Variants in BABAM2 observed in about 807,000 individuals in gnomAD.
BABAM2 encodes BRISC and BRCA1-A complex member 2.
In BABAM2, 31 loss-of-function variants were observed where a neutral mutation model predicts 54.7. That is an observed-to-expected ratio of 0.57 (90% CI 0.43 to 0.77). BABAM2 has a LOEUF of 0.77. Among genes scored for constraint, BABAM2 ranks in the 30% least tolerant of loss-of-function variants. The probability of loss-of-function intolerance (pLI) is 0.00; values close to 1 mark genes in which losing one functional copy is unlikely to be tolerated. For synonymous variants in BABAM2, 167 were observed against 162.9 expected, an observed-to-expected ratio of 1.03 and a Z score of -0.19; for missense variants, 364 against 455.8, an observed-to-expected ratio of 0.80 and a Z score of 1.83.
chr2:28,106,723 A>G (rs908380369), intron 6 of BABAM2, among the ~76,000 whole-genome samples: 3 of 151,044 alleles, frequency 2.0e-5, no homozygotes, highest in Admixed American at 2.0e-4. Flanking sequence ...TTCCACTGTA[A>G]AGTTACTTTT....
chr2:28,207,930 C>T (rs1195255885), intron 7 of BABAM2, among the ~76,000 whole-genome samples: 1 of 151,796 alleles, frequency 6.6e-6, no homozygotes, highest in Non-Finnish European at 1.5e-5. Flanking sequence ...TTCTGTCCTT[C>T]ACAAATAGAA....
chr2:28,024,258 T>A lies in BABAM2; in HGVS notation c.301-968T>A, dbSNP rs1224287665. On this transcript the variant is annotated intron_variant, in intron 4 of 11. Coordinates refer to ENST00000379624, the MANE Select transcript of BABAM2 (RefSeq NM_199191.3). ...TCTCTACTAAAAATACAAAAAAAAT[T>A]AGCCGGGCCTGGTGGCGGGCGCCTG... Among the ~76,000 whole-genome samples, 3 of 151,882 alleles carry A rather than the reference T, an allele frequency of 2.0e-5. No individual in the cohort carries two copies. In the South Asian group the frequency reaches 6.2e-4, roughly 32 times the overall value.
rs114550299 is a variant in BABAM2 at position 28,300,099 on chromosome 2, G to A, written c.1088+1608G>A. Among the ~76,000 whole-genome samples the A allele has an allele frequency of 7.2e-3, 1,094 of 152,106 alleles. 9 individuals are homozygous for A. Among genetic ancestry groups the A allele is most frequent in the African/African-American group, 0.025 (1,026 of 41,492 alleles). The stretch of plus-strand genomic sequence containing the variant: ...GACTATCGGCATGTGCCACCACGCC[G>A]GACTAATTTGTGTATTTTGAGTAGA... On this transcript the variant is annotated intron_variant, in intron 11 of 11. Transcript: ENST00000379624.
chr2:27,945,662 A>G (rs1291593806), intron 3 of BABAM2, among the ~76,000 whole-genome samples: 1 of 152,162 alleles, frequency 6.6e-6, no homozygotes, highest in Non-Finnish European at 1.5e-5. Flanking sequence ...AAAAATGCTA[A>G]CATCTCCATT....
intron 3 of BABAM2, among the ~76,000 whole-genome samples, chr2:27,940,113 A>T (rs74543111): frequency 6.6e-6 from 1 of 152,320 alleles, no homozygotes; most frequent in African/African-American, 2.4e-5. Flanking sequence ...AACATATTCT[A>T]TTACTTAAAT....
intron 6 of BABAM2, among the ~76,000 whole-genome samples, chr2:28,070,575 A>T (rs1286845351): frequency 7.1e-6 from 1 of 140,660 alleles, no homozygotes; most frequent in South Asian, 2.3e-4. Flanking sequence ...TTTGAGACGG[A>T]GTCTCGCTCT....
intron 3 of BABAM2, among the ~76,000 whole-genome samples, chr2:27,949,113 A>G: frequency 6.6e-6 from 1 of 152,240 alleles, no homozygotes; most frequent in East Asian, 1.9e-4. Context: ...ACCAGCAGCC[A>G]AAACCTTCAA....
chr2:28,161,473 T>C (rs551344918), intron 7 of BABAM2, among the ~76,000 whole-genome samples: 1 of 152,290 alleles, frequency 6.6e-6, no homozygotes, highest in African/African-American at 2.4e-5. Context: ...AATTCCAGTT[T>C]GCTTTCCCCA....
chr2:28,310,102 G>C, intron 11 of BABAM2: 7 of 1,614,166 alleles, frequency 4.3e-6, no homozygotes, highest in Non-Finnish European at 5.9e-6. Flanking sequence ...AACAGAGATG[G>C]GGAGGAATCC....
intron 3 of BABAM2, among the ~76,000 whole-genome samples, chr2:27,947,698 A>G (rs1172530800): frequency 2.0e-5 from 3 of 151,976 alleles, no homozygotes; most frequent in Non-Finnish European, 2.9e-5. Context: ...TGCCACAAAG[A>G]TTTTTGTACT....
intron 7 of BABAM2, among the ~76,000 whole-genome samples, chr2:28,130,992 C>T (rs369536813): frequency 1.1e-4 from 16 of 152,054 alleles, no homozygotes; most frequent in East Asian, 9.7e-4. Context: ...CTGCCCGCTT[C>T]GGCCTCCCAA....
Position 27,913,992 on chromosome 2 carries a change from G to T in BABAM2, c.129-15840G>T, listed in dbSNP as rs534152297. ...TACCATTTCAACTTTGTTTCATGTG[G>T]TTCATGGTAGAATTCATTTCTTATT... is the stretch of plus-strand genomic sequence containing the variant. On this transcript the variant is annotated intron_variant, in intron 2 of 11. Transcript: ENST00000379624. Among the ~76,000 whole-genome samples the T allele has an allele frequency of 7.9e-5, 12 of 152,188 alleles. No homozygotes were observed. In the South Asian group the frequency reaches 2.3e-3, roughly 29 times the overall value.
chr2:28,024,862 C>A (rs1397666938), intron 4 of BABAM2, among the ~76,000 whole-genome samples: 1 of 151,966 alleles, frequency 6.6e-6, no homozygotes, highest in Non-Finnish European at 1.5e-5. Flanking sequence ...AGGTAGAGAT[C>A]AAAAAAATTA....
At chr2:27,921,290 G>T (rs556064987) in intron 2 of BABAM2, among the ~76,000 whole-genome samples, 1 of 151,948 alleles carries the variant, frequency 6.6e-6, no homozygotes, top group African/African-American at 2.4e-5. Flanking sequence ...TCATTAGAAC[G>T]CATGTAATAG....
intron 10 of BABAM2, among the ~76,000 whole-genome samples, chr2:28,282,765 C>T (rs957782557): frequency 2.0e-5 from 3 of 151,906 alleles, no homozygotes; most frequent in South Asian, 2.1e-4. Flanking sequence ...TTTGGGAGGC[C>T]GAGGTGGGCG....
chr2:28,242,181 T>C (rs1427829201), intron 9 of BABAM2, among the ~76,000 whole-genome samples: 1 of 151,904 alleles, frequency 6.6e-6, no homozygotes, highest in East Asian at 1.9e-4. Context: ...AGCACTCAGG[T>C]CTCCTGCTAG....
chr2:28,105,716 A>G (rs963481141), intron 6 of BABAM2, among the ~76,000 whole-genome samples: 4 of 152,240 alleles, frequency 2.6e-5, no homozygotes, highest in Non-Finnish European at 5.9e-5. Context: ...AGCATTGCTG[A>G]CTTAGGTTTG....
At chr2:28,046,913 C>T (rs1302246164) in intron 6 of BABAM2, among the ~76,000 whole-genome samples, 2 of 151,678 alleles carry the variant, frequency 1.3e-5, no homozygotes, top group Middle Eastern at 3.2e-3. Flanking sequence ...GGACTACAGG[C>T]GTGCACCACT....
chr2:27,911,379 T>A (rs1464520490), intron 2 of BABAM2, among the ~76,000 whole-genome samples: 1 of 152,182 alleles, frequency 6.6e-6, no homozygotes, highest in Non-Finnish European at 1.5e-5. Flanking sequence ...TAAAATTCTT[T>A]CAGTTCCATA....
Sources: allele counts gnomAD v4.1 joint callset (sites outside exome capture counted in the v4.1 genomes callset), GRCh38; gene constraint gnomAD v4.1.1; transcripts MANE v1.5; gene names NCBI Gene and HGNC (gene_info 2026-07-23, HGNC 2026-07-21).